DDIAS: variants seen among roughly 807,000 people sequenced by gnomAD.
DDIAS encodes DNA damage induced apoptosis suppressor.
DDIAS carries 14 observed loss-of-function variants against 15.7 expected under a neutral mutation model. That is an observed-to-expected ratio of 0.89 (90% CI 0.59 to 1.39). The LOEUF (loss-of-function observed/expected upper bound fraction) is 1.39. DDIAS is among the 40% of genes most tolerant of loss of function. The pLI is 0.00. For synonymous variants in DDIAS, 355 were observed against 395.9 expected, an observed-to-expected ratio of 0.90 and a Z score of 1.23; for missense variants, 1,035 against 1,130.9, an observed-to-expected ratio of 0.92 and a Z score of 1.22.
chr11:82,905,868 A>T (rs1398853955), intron 1 of DDIAS, among the ~76,000 whole-genome samples: 2 of 152,218 alleles, frequency 1.3e-5, no homozygotes, highest in African/African-American at 4.8e-5. Flanking sequence ...GAAATGTAAT[A>T]CTATATCATC....
At position 82,932,826 on chromosome 11, in the gene DDIAS, T is replaced by C; in HGVS notation, c.1488T>C (p.Leu496=). 1.2e-6 allele frequency: 2 copies of C among 1,613,612 alleles called. No individual in the cohort carries two copies. Among genetic ancestry groups the C allele is most frequent in the African/African-American group, 2.7e-5 (2 of 75,050 alleles). The change falls in exon 6 of 6, where the codon CTT becomes CTC. Residue 496 remains leucine, a synonymous_variant. Transcript: ENST00000533655. ...VKANCSKDDF[L]FNCKGNLSPS... ...CAAACTGTAGCAAAGATGACTTCCT[T>C]TTCAACTGTAAAGGAAATCTAAGTC...
chr11:82,913,872 C>A, intron 2 of DDIAS: 1 of 403,404 alleles, frequency 2.5e-6, no homozygotes, highest in Non-Finnish European at 4.8e-6. Context: ...CAAGTCTAAA[C>A]ATAAAATTTG....
intron 3 of DDIAS, among the ~76,000 whole-genome samples, chr11:82,918,105 G>A (rs80076188): frequency 3.3e-5 from 5 of 152,276 alleles, no homozygotes; most frequent in African/African-American, 1.2e-4. Flanking sequence ...TCTGCTGACT[G>A]TTCTTTGGCC....
rs991867880 is a variant in DDIAS at position 82,934,564 on chromosome 11, T to C, written c.*229T>C. 2 of 397,776 alleles carry C rather than the reference T, an allele frequency of 5.0e-6. No individual in the cohort carries two copies. The highest frequency in any genetic ancestry group is 8.8e-6 in the Non-Finnish European group (2 of 226,972). 24.6% of individuals were successfully genotyped at this position (397,776 alleles called of 1,614,324 possible). On this transcript the variant is annotated 3_prime_UTR_variant, in exon 6 of 6. Transcript: ENST00000533655. Reference sequence around the variant, plus strand: ...TGAGCACTTTATCTTATACTGTTTATTGTACTTTAATAATATTGTTAAGAT... The same window carrying C: ...TGAGCACTTTATCTTATACTGTTTACTGTACTTTAATAATATTGTTAAGAT...
chr11:82,919,827 C>T (rs1293533746), intron 3 of DDIAS, among the ~76,000 whole-genome samples: 1 of 152,096 alleles, frequency 6.6e-6, no homozygotes, highest in African/African-American at 2.4e-5. Flanking sequence ...TACCTCTCTT[C>T]ACGCCATTCT....
intron 3 of DDIAS, among the ~76,000 whole-genome samples, chr11:82,920,135 T>A (rs1860715419): frequency 6.6e-6 from 1 of 152,196 alleles, no homozygotes; most frequent in African/African-American, 2.4e-5. Flanking sequence ...TTCCAGGAAT[T>A]TATCCATCTC....
chr11:82,924,318 C>T (rs1285409798), intron 3 of DDIAS, among the ~76,000 whole-genome samples: 3 of 152,148 alleles, frequency 2.0e-5, no homozygotes, highest in Admixed American at 2.0e-4. Flanking sequence ...AAGCTGGAAT[C>T]TGTGGATACA....
In DDIAS at chr11:82,933,655, C is replaced by T. The variant is rs1356036794; in HGVS notation, c.2317C>T (p.Gln773Ter). 6.2e-7 allele frequency: 1 copy of T among 1,613,896 alleles called. No individual in the cohort carries two copies. The highest frequency in any genetic ancestry group is 8.5e-7 in the Non-Finnish European group (1 of 1,179,966). The change falls in exon 6 of 6, where the codon CAG becomes TAG. Residue 773 changes from glutamine (Q) to a stop codon, truncating the protein, a stop_gained. Coordinates refer to ENST00000533655, the MANE Select transcript of DDIAS (RefSeq NM_145018.4). LOFTEE classifies it low-confidence loss of function (END_TRUNC). ...ENSQDFVPCS[Q>*]STPISGFHQT... ...TAGTCAAGACTTTGTTCCATGTTCA[C>T]AGTCAACTCCAATTTCAGGGTTCCA...
rs749770816 is a variant in DDIAS, at chr11:82,932,784, A to G, written c.1446A>G (p.Ser482=). The part of the protein sequence containing the change: ...LHTPPIALRS[S]QVIVKANCSK... ...CACCACCTATAGCTTTAAGATCATC[A>G]CAAGTAATAGTCAAAGCAAACTGTA... The change falls in exon 6 of 6, where the codon TCA becomes TCG. Residue 482 remains serine (S), a synonymous_variant. Transcript: ENST00000533655. 1.9e-6 allele frequency: 3 copies of G among 1,613,958 alleles called. No individual in the cohort carries two copies. The highest frequency in any genetic ancestry group is 2.5e-6 in the Non-Finnish European group (3 of 1,180,024).
Position 82,914,746 on chromosome 11 carries a change from G to C in DDIAS, c.8G>C (p.Arg3Thr). 1 of 1,597,740 alleles carries C rather than the reference G, an allele frequency of 6.3e-7. No homozygotes were observed. The highest frequency in any genetic ancestry group is 8.6e-7 in the Non-Finnish European group (1 of 1,165,614). Residue 3 changes from arginine to threonine, a missense_variant, in exon 3 of 6, where the codon AGA (arginine) becomes ACA (threonine). Arg to Thr is a moderately conservative substitution (Grantham distance 71, BLOSUM62 -1). Transcript: ENST00000533655. ...AGACCACGGTGTGAACACATGAACA[G>C]AAGACGAAAATTTCTTCTAGCCTCA... MN[R>T]RRKFLLASVL... is the part of the protein sequence containing the mutation.
In DDIAS at chr11:82,934,310, C is replaced by G. The variant is rs745783282; in HGVS notation, c.2972C>G (p.Ala991Gly). ...GPPSVCETRSAWSPELFS is the reference protein window; with the variant it reads ...GPPSVCETRSGWSPELFS ...CCTTCAGTGTGTGAAACTCGAAGTG[C>G]TTGGTCACCTGAATTGTTTTCATAA... The change falls in exon 6 of 6, where the codon GCT becomes GGT. Residue 991 changes from alanine to glycine, a missense_variant. Physicochemically the swap from Ala to Gly is moderately conservative, Grantham distance 60. Transcript: ENST00000533655. 4.4e-6 allele frequency: 7 copies of G among 1,596,522 alleles called. No individual in the cohort carries two copies. The East Asian group carries it at 1.6e-4, about 36-fold the overall frequency.
At position 82,932,215 on chromosome 11, in the gene DDIAS, C is replaced by G. The variant is rs1333536548; in HGVS notation, c.877C>G (p.Gln293Glu). 6.2e-7 allele frequency: 1 copy of G among 1,613,974 alleles called. No individual in the cohort carries two copies. The highest frequency in any genetic ancestry group is 8.5e-7 in the Non-Finnish European group (1 of 1,179,990). The change falls in exon 6 of 6, where the codon CAG (glutamine) becomes GAG (glutamate). Residue 293 changes from glutamine (Q) to glutamate (E), a missense_variant. Transcript: ENST00000533655. Reference sequence around the variant, plus strand: ...TTCCAGTAGCTGCCATGATCCCATTCAGGATTCATGGAGCCTTGTTTCATA... The same window carrying G: ...TTCCAGTAGCTGCCATGATCCCATTGAGGATTCATGGAGCCTTGTTTCATA... The part of the protein sequence containing the change: ...TGSSSCHDPI[Q>E]DSWSLVSYMD...
chr11:82,910,545 A>G (rs1171123088), intron 1 of DDIAS, among the ~76,000 whole-genome samples: 1 of 148,074 alleles, frequency 6.8e-6, no homozygotes, highest in Non-Finnish European at 1.5e-5. Context: ...TGCTGGGATT[A>G]TAGGCGTGAG....
chr11:82,916,035 C>G (rs1232699623), intron 3 of DDIAS, among the ~76,000 whole-genome samples: 1 of 152,162 alleles, frequency 6.6e-6, no homozygotes, highest in East Asian at 1.9e-4. Flanking sequence ...GAACCTATCA[C>G]TAACATTAAA....
intron 1 of DDIAS, among the ~76,000 whole-genome samples, chr11:82,906,293 A>C (rs909902235): frequency 2.6e-5 from 4 of 152,166 alleles, no homozygotes; most frequent in African/African-American, 9.6e-5. Flanking sequence ...AAAAATACTA[A>C]TGATCCCTTT....
At chr11:82,901,914 C>T (rs569604690) in intron 1 of DDIAS, 92 bp downstream of exon 1, 2 of 152,326 alleles carry the variant, frequency 1.3e-5, no homozygotes, top group East Asian at 3.9e-4. Context: ...CCACCCAGAG[C>T]CCGGCGCTTG....
Position 82,932,219 on chromosome 11 carries a change from AT to A in DDIAS, c.883del (p.Ser295HisfsTer28), listed in dbSNP as rs1861006572. On this transcript the variant is annotated frameshift_variant, in exon 6 of 6. Transcript: ENST00000533655. LOFTEE classifies it low-confidence loss of function (END_TRUNC). ...AGTAGCTGCCATGATCCCATTCAGG[AT>A]TCATGGAGCCTTGTTTCATATATGG... Reference protein sequence around the residue: ...GSSSCHDPIQDSWSLVSYMDK... With the variant: ...GSSSCHDPIQXSWSLVSYMDK... 6.2e-7 allele frequency: 1 copy of A among 1,613,800 alleles called. No homozygotes were observed. The highest frequency in any genetic ancestry group is 8.5e-7 in the Non-Finnish European group (1 of 1,179,988).
chr11:82,917,074 G>A (rs916300087), intron 3 of DDIAS, among the ~76,000 whole-genome samples: 6 of 152,138 alleles, frequency 3.9e-5, no homozygotes, highest in Non-Finnish European at 5.9e-5. Flanking sequence ...CATAGTCCAT[G>A]GAAATATAAC....
At chr11:82,908,032 G>A (rs1018898127) in intron 1 of DDIAS, among the ~76,000 whole-genome samples, 2 of 152,196 alleles carry the variant, frequency 1.3e-5, no homozygotes, top group African/African-American at 4.8e-5. Context: ...TACCATGAAG[G>A]ATAAAACAGG....
Sources: gnomAD v4.1 joint callset for allele counts (sites outside exome capture counted in the v4.1 genomes callset) on GRCh38, gnomAD v4.1.1 for gene constraint, MANE v1.5 for transcripts, NCBI Gene and HGNC (gene_info 2026-07-23, HGNC 2026-07-21) for gene names.